Variants in DYTN observed in about 807,000 individuals in gnomAD.
DYTN encodes the protein dystrotelin.
Under a neutral mutation model 69.6 loss-of-function variants are expected in DYTN, and 75 were observed. The observed-to-expected ratio is 1.08, with a 90% confidence interval of 0.89 to 1.31. The LOEUF is 1.31. DYTN is among the 50% of genes most tolerant of loss of function. The pLI is 0.00. For synonymous variants in DYTN, 252 were observed against 249.1 expected, an observed-to-expected ratio of 1.01 and a Z score of -0.11; for missense variants, 726 against 688.4, an observed-to-expected ratio of 1.05 and a Z score of -0.61.
chr2:206,674,222 T>C (rs1273449945), intron 9 of DYTN, among the ~76,000 whole-genome samples: 1 of 150,858 alleles, frequency 6.6e-6, no homozygotes, highest in Non-Finnish European at 1.5e-5. Flanking sequence ...GGAAAAAAAA[T>C]GACTTGATTT....
chr2:206,705,174 G>A, intron 4 of DYTN: 1 of 506,716 alleles, frequency 2.0e-6, no homozygotes, highest in Non-Finnish European at 3.5e-6. Flanking sequence ...TTGGCTCACT[G>A]CAACCTCCAC....
At chr2:206,698,520 G>T (rs954673745) in intron 7 of DYTN, among the ~76,000 whole-genome samples, 1 of 152,104 alleles carries the variant, frequency 6.6e-6, no homozygotes, top group Non-Finnish European at 1.5e-5. Flanking sequence ...TTAGCTACCT[G>T]ATGTCCCAGA....
In DYTN at chr2:206,704,827, A is replaced by C. The variant is rs1700009267; in HGVS notation, c.483+16T>G. On this transcript the variant is annotated intron_variant, in intron 5 of 11. Transcript: ENST00000452335. ...AACTGAAACAAATGTACAGTTCTTA[A>C]GTATTAGGAATTTACCTGCTGTAGA... is the stretch of plus-strand genomic sequence containing the variant. 3 of 1,605,304 alleles carry C rather than the reference A, an allele frequency of 1.9e-6. No homozygotes were observed. In the African/African-American group the frequency reaches 4.0e-5, roughly 21 times the overall value.
intron 9 of DYTN, among the ~76,000 whole-genome samples, chr2:206,672,672 C>T (rs985478978): frequency 6.6e-6 from 1 of 152,196 alleles, no homozygotes; most frequent in African/African-American, 2.4e-5. Context: ...ACGGAAACTC[C>T]AGTTTTTCTC....
rs10531348 is a variant in DYTN at position 206,683,339 on chromosome 2, C to CTTTTT, written c.980+9831_980+9835dup. Among the ~76,000 whole-genome samples the CTTTTT allele has an allele frequency of 1.3e-3, 148 of 111,902 alleles. 1 individual carries two copies. Among genetic ancestry groups the CTTTTT allele is most frequent in the Non-Finnish European group, 1.8e-3 (98 of 54,270 alleles). 73.4% of individuals were successfully genotyped at this position (111,902 alleles called of 152,430 possible). The stretch of plus-strand genomic sequence containing the variant: ...TCCTCACCTCTTCTTTTTACTTTTT[C>CTTTTT]TTTTTTTTTTTTTTTTTTTTTTGAG... On this transcript the variant is annotated intron_variant, in intron 9 of 11. Transcript: ENST00000452335.
chr2:206,718,203 T>G, intron 1 of DYTN, 58 bp downstream of exon 1: 1 of 1,546,020 alleles, frequency 6.5e-7, no homozygotes, highest in Non-Finnish European at 8.8e-7. Flanking sequence ...AAATATAACA[T>G]CTGTGCCTAA....
At chr2:206,671,969 G>T (rs1281418035) in intron 9 of DYTN, among the ~76,000 whole-genome samples, 3 of 152,202 alleles carry the variant, frequency 2.0e-5, no homozygotes, top group Non-Finnish European at 4.4e-5. Flanking sequence ...GTACACATGT[G>T]CAAGGTTCTT....
Position 206,663,267 on chromosome 2 carries a change from A to G in DYTN, c.1269T>C (p.Asp423=), listed in dbSNP as rs1699533146. The part of the protein sequence containing the change: ...DYLQIKNATE[D]ASTGEPLPKL... The stretch of plus-strand genomic sequence containing the variant: ...TAGGAAGAGGTTCCCCTGTTGAAGC[A>G]TCTTCAGTGGCATTCTTGATCTGCA... Residue 423 remains aspartate, a synonymous_variant, in exon 11 of 12, where the codon GAT becomes GAC. Transcript: ENST00000452335. 6.2e-7 allele frequency: 1 copy of G among 1,613,908 alleles called. No homozygotes were observed. Among genetic ancestry groups the G allele is most frequent in the African/African-American group, 1.3e-5 (1 of 74,944 alleles).
At chr2:206,715,115 TG>T (rs1160853251) in intron 1 of DYTN, among the ~76,000 whole-genome samples, 1 of 152,164 alleles carries the variant, frequency 6.6e-6, no homozygotes, top group African/African-American at 2.4e-5. Flanking sequence ...TCACTGTGGC[TG>T]GAATGGGAGG....
At chr2:206,701,559 T>C (rs999048985) in intron 5 of DYTN, among the ~76,000 whole-genome samples, 7 of 152,124 alleles carry the variant, frequency 4.6e-5, no homozygotes, top group Non-Finnish European at 1.0e-4. Flanking sequence ...TACCACATAA[T>C]CGCACTTACA....
intron 9 of DYTN, among the ~76,000 whole-genome samples, chr2:206,673,327 G>A (rs1699648192): frequency 6.6e-6 from 1 of 152,030 alleles, no homozygotes; most frequent in Non-Finnish European, 1.5e-5. Context: ...GCACAGTCTT[G>A]GCTCACTGCA....
chr2:206,669,252 A>G (rs887912453), intron 9 of DYTN, among the ~76,000 whole-genome samples: 1 of 152,230 alleles, frequency 6.6e-6, no homozygotes, highest in Non-Finnish European at 1.5e-5. Context: ...ACTTGTGCAC[A>G]TGGGCCTCCA....
chr2:206,679,315 T>C (rs1337830218), intron 9 of DYTN: 1 of 152,234 alleles, frequency 6.6e-6, no homozygotes, highest in African/African-American at 2.4e-5. Context: ...CCAACTTTTC[T>C]CTCTGTGTTC....
At chr2:206,707,819 C>T (rs973245054) in intron 2 of DYTN, among the ~76,000 whole-genome samples, 9 of 152,154 alleles carry the variant, frequency 5.9e-5, no homozygotes, top group African/African-American at 1.2e-4. Flanking sequence ...ACGAAAAATA[C>T]GCTTTCCAAG....
chr2:206,694,659 A>G, intron 8 of DYTN, 107 bp downstream of exon 8: 1 of 823,708 alleles, frequency 1.2e-6, no homozygotes, highest in Non-Finnish European at 1.8e-6. Context: ...ATTGCAATGT[A>G]TGACAGGAGC....
intron 11 of DYTN, among the ~76,000 whole-genome samples, chr2:206,660,777 T>A (rs1334426918): frequency 6.6e-6 from 1 of 152,194 alleles, no homozygotes; most frequent in Non-Finnish European, 1.5e-5. Flanking sequence ...TCCAACTCAA[T>A]TTACTGTAGA....
chr2:206,661,637 T>C (rs758285742), intron 11 of DYTN, among the ~76,000 whole-genome samples: 1 of 152,146 alleles, frequency 6.6e-6, no homozygotes, highest in Non-Finnish European at 1.5e-5. Context: ...TTTATCTTTC[T>C]ATGATTTTGA....
intron 1 of DYTN, among the ~76,000 whole-genome samples, chr2:206,716,515 A>G (rs1200070546): frequency 6.6e-6 from 1 of 152,200 alleles, no homozygotes; most frequent in Non-Finnish European, 1.5e-5. Context: ...CAAGAGGTAC[A>G]AACATATATA....
At chr2:206,696,349 T>C (rs1669054453) in intron 7 of DYTN, among the ~76,000 whole-genome samples, 1 of 152,202 alleles carries the variant, frequency 6.6e-6, no homozygotes, top group Non-Finnish European at 1.5e-5. Flanking sequence ...GAAGGTCTGA[T>C]GGTCTGATCA....
Sources: gnomAD v4.1 joint callset for allele counts (sites outside exome capture counted in the v4.1 genomes callset) on GRCh38, gnomAD v4.1.1 for gene constraint, MANE v1.5 for transcripts, NCBI Gene and HGNC (gene_info 2026-07-23, HGNC 2026-07-21) for gene names.